Variants in COL24A1 observed in about 807,000 individuals in gnomAD.
COL24A1 encodes the protein collagen alpha-1(XXIV) chain.
Under a neutral mutation model 253.9 loss-of-function variants are expected in COL24A1, and 224 were observed. That is an observed-to-expected ratio of 0.88 (90% CI 0.79 to 0.99). The LOEUF is 0.99. Among genes scored for constraint, COL24A1 ranks in the 50% least tolerant of loss-of-function variants. The probability of loss-of-function intolerance (pLI) is 0.00; values close to 1 mark genes in which losing one functional copy is unlikely to be tolerated. For synonymous variants in COL24A1, 685 were observed against 673.7 expected (o/e 1.02, Z -0.26); for missense variants, 2,131 against 2,068.5 (o/e 1.03, Z -0.59).
At chr1:85,745,729 A>G (rs1665143252) in intron 55 of COL24A1, among the ~76,000 whole-genome samples, 1 of 152,194 alleles carries the variant, frequency 6.6e-6, no homozygotes, top group Non-Finnish European at 1.5e-5. Context: ...CCTAATTAAA[A>G]TAGGACCAGA....
intron 18 of COL24A1, among the ~76,000 whole-genome samples, chr1:86,018,112 C>T (rs999456951): frequency 6.6e-6 from 1 of 152,168 alleles, no homozygotes; most frequent in Non-Finnish European, 1.5e-5. Flanking sequence ...ATAAGAAAAA[C>T]TATTGCATTC....
Position 85,987,581 on chromosome 1 carries a change from T to C in COL24A1, c.2364+20A>G. On this transcript the variant is annotated intron_variant, in intron 20 of 59. Transcript: ENST00000370571. The stretch of plus-strand genomic sequence containing the variant: ...TAGATAACCATAATTGTTTAGTCTC[T>C]CTCTTCTTCTTCTTCTTACCTTTGG... 1.3e-6 allele frequency: 2 copies of C among 1,595,820 alleles called. 1 individual carries two copies. The highest frequency in any genetic ancestry group is 3.4e-5 in the Admixed American group (2 of 58,648).
At chr1:85,802,755 T>A (rs1302211400) in intron 47 of COL24A1, among the ~76,000 whole-genome samples, 2 of 152,134 alleles carry the variant, frequency 1.3e-5, no homozygotes, top group African/African-American at 4.8e-5. Flanking sequence ...TGCACTTCTA[T>A]CTCCTGAAAA....
At chr1:85,797,762 G>T (rs1239425651) in intron 47 of COL24A1, among the ~76,000 whole-genome samples, 1 of 152,178 alleles carries the variant, frequency 6.6e-6, no homozygotes, top group African/African-American at 2.4e-5. Context: ...CTGGAACAGT[G>T]CCTGGGATAC....
chr1:86,117,247 G>A (rs140181548), intron 3 of COL24A1, among the ~76,000 whole-genome samples: 7 of 152,306 alleles, frequency 4.6e-5, no homozygotes, highest in African/African-American at 1.7e-4. Context: ...CAAAGTGATG[G>A]TAGTAGGAGA....
intron 5 of COL24A1, among the ~76,000 whole-genome samples, chr1:86,102,960 C>T (rs1704599254): frequency 6.6e-6 from 1 of 152,166 alleles, no homozygotes; most frequent in Non-Finnish European, 1.5e-5. Context: ...AATGATGTGT[C>T]TAATACTGTC....
intron 37 of COL24A1, among the ~76,000 whole-genome samples, chr1:85,852,752 G>A (rs1677919346): frequency 6.6e-6 from 1 of 152,080 alleles, no homozygotes; most frequent in Non-Finnish European, 1.5e-5. Flanking sequence ...GTTGGAAATT[G>A]CATTTAAAAA....
intron 7 of COL24A1, among the ~76,000 whole-genome samples, chr1:86,075,211 T>A (rs1006361800): frequency 1.3e-5 from 2 of 152,022 alleles, no homozygotes; most frequent in African/African-American, 4.8e-5. Context: ...AAATGGGATA[T>A]CATCACCGAT....
At chr1:85,882,381 C>T (rs1010545674) in intron 32 of COL24A1, among the ~76,000 whole-genome samples, 1 of 152,114 alleles carries the variant, frequency 6.6e-6, no homozygotes, top group African/African-American at 2.4e-5. Flanking sequence ...AGGAGAATGG[C>T]GCGAACCCGG....
intron 22 of COL24A1, among the ~76,000 whole-genome samples, chr1:85,966,398 C>A: frequency 6.6e-6 from 1 of 152,016 alleles, no homozygotes; most frequent in East Asian, 1.9e-4. Flanking sequence ...CAGTTAAATT[C>A]TTTCTAATCA....
intron 3 of COL24A1, among the ~76,000 whole-genome samples, 187 bp downstream of exon 3, chr1:86,124,658 A>G (rs963492588): frequency 6.6e-6 from 1 of 152,014 alleles, no homozygotes; most frequent in Non-Finnish European, 1.5e-5. Context: ...TATTTGAGCC[A>G]GGGTTACATT....
chr1:86,065,883 C>A (rs958797370), intron 7 of COL24A1, among the ~76,000 whole-genome samples: 12 of 151,716 alleles, frequency 7.9e-5, no homozygotes, highest in African/African-American at 2.9e-4. Context: ...TAGGAGGGAG[C>A]TGGAAAGATT....
intron 47 of COL24A1, among the ~76,000 whole-genome samples, chr1:85,787,814 T>C (rs1181954766): frequency 1.3e-5 from 2 of 152,196 alleles, no homozygotes; most frequent in Non-Finnish European, 2.9e-5. Context: ...CACACTGTCT[T>C]CCACAATGGT....
At chr1:85,774,436 G>C (rs1668312325) in intron 53 of COL24A1, among the ~76,000 whole-genome samples, 1 of 152,164 alleles carries the variant, frequency 6.6e-6, no homozygotes, top group Non-Finnish European at 1.5e-5. Context: ...AATAGTTTCA[G>C]AAGAAATGGT....
chr1:86,096,541 T>C, intron 5 of COL24A1, among the ~76,000 whole-genome samples: 1 of 152,184 alleles, frequency 6.6e-6, no homozygotes, highest in East Asian at 1.9e-4. Flanking sequence ...TGCTAATATG[T>C]GGATCCTACC....
intron 55 of COL24A1, among the ~76,000 whole-genome samples, chr1:85,746,660 G>T (rs111879201): frequency 2.6e-5 from 4 of 152,298 alleles, no homozygotes; most frequent in African/African-American, 9.6e-5. Flanking sequence ...CCCTGAGGTA[G>T]TAAAATTTGA....
intron 7 of COL24A1, among the ~76,000 whole-genome samples, chr1:86,080,428 G>T (rs1421617160): frequency 6.6e-6 from 1 of 152,128 alleles, no homozygotes; most frequent in Non-Finnish European, 1.5e-5. Flanking sequence ...AAAATAAATA[G>T]AGTATCATTG....
intron 10 of COL24A1, among the ~76,000 whole-genome samples, chr1:86,056,762 G>A (rs1387587258): frequency 2.0e-5 from 3 of 151,718 alleles, no homozygotes; most frequent in Middle Eastern, 3.4e-3. Flanking sequence ...GCTGAGGCAG[G>A]AGAATCGCTT....
intron 4 of COL24A1, among the ~76,000 whole-genome samples, chr1:86,113,860 A>AAAAAG (rs1705861178): frequency 1.3e-5 from 2 of 150,622 alleles, no homozygotes; most frequent in Non-Finnish European, 3.0e-5. Flanking sequence ...AAAAAAAAAA[A>AAAAAG]AAAGAAAGAA....
Sources: allele counts gnomAD v4.1 joint callset (sites outside exome capture counted in the v4.1 genomes callset), GRCh38; gene constraint gnomAD v4.1.1; transcripts MANE v1.5; gene names NCBI Gene and HGNC (gene_info 2026-07-23, HGNC 2026-07-21).